Variants in NAA11 observed in about 807,000 individuals in gnomAD.
NAA11 encodes the protein N-alpha-acetyltransferase 11, NatA catalytic subunit.
NAA11 carries 15 observed loss-of-function variants against 16.1 expected under a neutral mutation model. That is an observed-to-expected ratio of 0.93 (90% CI 0.62 to 1.44). The LOEUF (loss-of-function observed/expected upper bound fraction) is 1.44. Among genes scored for constraint, NAA11 ranks in the 40% most tolerant of loss-of-function variants. The probability of loss-of-function intolerance (pLI) is 0.00; values close to 1 mark genes in which losing one functional copy is unlikely to be tolerated. For synonymous variants in NAA11, 122 were observed against 112.4 expected (o/e 1.09, Z -0.54); for missense variants, 298 against 291.3 (o/e 1.02, Z -0.17).
intron 1 of NAA11, among the ~76,000 whole-genome samples, chr4:79,306,402 C>T (rs567480899): frequency 1.8e-3 from 269 of 152,296 alleles, no homozygotes; most frequent in African/African-American, 5.8e-3. Context: ...TGTATCTTCA[C>T]ACAGTCTTTC....
At chr4:79,292,497 T>G (rs1237324286) in intron 2 of NAA11, among the ~76,000 whole-genome samples, 1 of 152,212 alleles carries the variant, frequency 6.6e-6, no homozygotes, top group African/African-American at 2.4e-5. Flanking sequence ...TGATTAAATC[T>G]AACAATTTGT....
intron 2 of NAA11, among the ~76,000 whole-genome samples, chr4:79,238,089 T>C (rs959993128): frequency 6.6e-6 from 1 of 152,194 alleles, no homozygotes; most frequent in African/African-American, 2.4e-5. Flanking sequence ...AACAAATCTT[T>C]TTCACCTTGG....
intron 2 of NAA11, among the ~76,000 whole-genome samples, chr4:79,269,915 C>A (rs538872472): frequency 9.9e-5 from 15 of 152,050 alleles, no homozygotes; most frequent in South Asian, 8.3e-4. Context: ...TCAGCTTTCT[C>A]CATATGGCTA....
intron 2 of NAA11, among the ~76,000 whole-genome samples, chr4:79,266,287 G>A (rs1321926645): frequency 6.6e-6 from 1 of 152,158 alleles, no homozygotes; most frequent in African/African-American, 2.4e-5. Flanking sequence ...CAGAGCAGTA[G>A]CTCTCTTCCT....
At chr4:79,168,105 G>A in the NAA11 span, among the ~76,000 whole-genome samples, 1 of 151,842 alleles carries the variant, frequency 6.6e-6, no homozygotes, top group Non-Finnish European at 1.5e-5. Flanking sequence ...CCACTTATGA[G>A]TGAGAACATG....
the NAA11 span, among the ~76,000 whole-genome samples, chr4:79,204,685 A>G: frequency 0.12 from 18,244 of 151,660 alleles, 1,330 homozygotes; most frequent in African/African-American, 0.19. Flanking sequence ...GTACATAATA[A>G]TTAATTTTTA....
intron 2 of NAA11, among the ~76,000 whole-genome samples, chr4:79,282,319 CATAATAT>C (rs1722812268): frequency 6.6e-6 from 1 of 152,008 alleles, no homozygotes; most frequent in Non-Finnish European, 1.5e-5. Flanking sequence ...AGAACAGTTA[CATAATAT>C]AAATTCTGTT....
rs555330167 is a variant in NAA11, at chr4:79,260,830, T to C, written c.*122+33175A>G. Among the ~76,000 whole-genome samples, 64 of 152,322 alleles carry C rather than the reference T, an allele frequency of 4.2e-4. 1 individual carries two copies. In the South Asian group the frequency reaches 5.8e-3, roughly 14 times the overall value. ...CACTGTCTTTACTTGGCTAGAAACA[T>C]TGGGGGAAAGAACAAAAGATGCATT... On this transcript the variant is annotated intron_variant and NMD_transcript_variant, in intron 2 of 2. Coordinates refer to the NAA11 transcript ENST00000511542.
At chr4:79,245,184 C>T (rs1047270994) in intron 2 of NAA11, 3 of 157,908 alleles carry the variant, frequency 1.9e-5, no homozygotes, top group Non-Finnish European at 4.1e-5. Flanking sequence ...AAGTGAGGAA[C>T]ATCTCTGCCT....
chr4:79,221,013 A>T (rs1266724417), downstream of NAA11, among the ~76,000 whole-genome samples: 1 of 151,594 alleles, frequency 6.6e-6, no homozygotes, highest in Non-Finnish European at 1.5e-5. Flanking sequence ...TGAGCATGGA[A>T]TGTTCTTCCA....
At chr4:79,208,377 C>G in the NAA11 span, among the ~76,000 whole-genome samples, 2 of 152,138 alleles carry the variant, frequency 1.3e-5, no homozygotes. Context: ...TAGGGTGCAA[C>G]ATAGTTATAA....
chr4:79,316,432 A>AT (rs1723929687), downstream of NAA11, among the ~76,000 whole-genome samples: 1 of 152,208 alleles, frequency 6.6e-6, no homozygotes, highest in Non-Finnish European at 1.5e-5. Flanking sequence ...TTAGGCAGAC[A>AT]TTCTTAGAGT....
intron 2 of NAA11, among the ~76,000 whole-genome samples, chr4:79,261,085 A>C (rs1179657810): frequency 6.6e-6 from 1 of 152,236 alleles, no homozygotes; most frequent in African/African-American, 2.4e-5. Context: ...GGTTTAAATT[A>C]ATGTCTTTTG....
chr4:79,166,492 T>C, the NAA11 span, among the ~76,000 whole-genome samples: 2 of 150,650 alleles, frequency 1.3e-5, no homozygotes, highest in African/African-American at 4.9e-5. Context: ...GCTAGAATTA[T>C]AGGTGTGCAC....
chr4:79,181,085 T>G, the NAA11 span, among the ~76,000 whole-genome samples: 2 of 149,936 alleles, frequency 1.3e-5, no homozygotes, highest in Admixed American at 6.7e-5. Flanking sequence ...TGTTGTAGGG[T>G]GGAGGGAGGG....
At chr4:79,260,509 A>G (rs1722225575) in intron 2 of NAA11, among the ~76,000 whole-genome samples, 1 of 152,106 alleles carries the variant, frequency 6.6e-6, no homozygotes, top group Non-Finnish European at 1.5e-5. Flanking sequence ...ATGGATTTGG[A>G]TTTTAGGTAC....
At chr4:79,172,680 T>C in the NAA11 span, among the ~76,000 whole-genome samples, 1,076 of 152,272 alleles carry the variant, frequency 7.1e-3, 10 homozygotes, top group African/African-American at 0.025. Context: ...GGGTAGCTTT[T>C]TCAAGCTGTC....
chr4:79,168,181 C>G, the NAA11 span, among the ~76,000 whole-genome samples: 1 of 152,100 alleles, frequency 6.6e-6, no homozygotes, highest in Non-Finnish European at 1.5e-5. Context: ...TCATCCATGT[C>G]CCTGTAAAGG....
At chr4:79,275,252 A>G (rs1054799702) in intron 2 of NAA11, among the ~76,000 whole-genome samples, 22 of 152,220 alleles carry the variant, frequency 1.4e-4, no homozygotes, top group Admixed American at 1.2e-3. Flanking sequence ...AGTATTATCT[A>G]TGTGCCTCAT....
Sources: gnomAD v4.1 joint callset for allele counts (sites outside exome capture counted in the v4.1 genomes callset) on GRCh38, gnomAD v4.1.1 for gene constraint, MANE v1.5 for transcripts, NCBI Gene and HGNC (gene_info 2026-07-23, HGNC 2026-07-21) for gene names.